The following JAZF1 variants were observed in gnomAD, a reference collection of about 807,000 sequenced individuals.
JAZF1 encodes juxtaposed with another zinc finger protein 1.
Under a neutral mutation model 26.4 loss-of-function variants are expected in JAZF1, and 8 were observed. That is an observed-to-expected ratio of 0.30 (90% CI 0.18 to 0.55). JAZF1 has a LOEUF of 0.55. JAZF1 is among the 20% of genes least tolerant of loss of function. The pLI, the probability that JAZF1 is intolerant of heterozygous loss-of-function variation, is 0.94. For missense variants in JAZF1, 199 were observed against 322.0 expected (o/e 0.62, Z 2.92); for synonymous variants, 126 against 122.3 (o/e 1.03, Z -0.20).
rs189549803 is a variant in JAZF1, at chr7:27,844,735, C to A, written c.386-3868G>T. 3.0e-3 allele frequency among the ~76,000 whole-genome samples: 460 copies of A among 152,268 alleles called. 2 individuals are homozygous for A. The highest frequency in any genetic ancestry group is 0.01 in the African/African-American group (435 of 41,558). ...TATAAGTAGGTACAAAGAATTAATA[C>A]CCCCTTCTCGCACCTCACTTTGAGC... is the stretch of plus-strand genomic sequence containing the variant. On this transcript the variant is annotated intron_variant, in intron 3 of 4. Coordinates refer to ENST00000283928, the MANE Select transcript of JAZF1 (RefSeq NM_175061.4).
At chr7:27,942,552 C>G (rs1479906490) in intron 2 of JAZF1, among the ~76,000 whole-genome samples, 1 of 152,194 alleles carries the variant, frequency 6.6e-6, no homozygotes, top group East Asian at 1.9e-4. Flanking sequence ...CTACTCTTAG[C>G]ATATTCCCTC....
chr7:27,966,305 C>A (rs1023520), intron 2 of JAZF1, among the ~76,000 whole-genome samples: 3 of 152,208 alleles, frequency 2.0e-5, no homozygotes, highest in Non-Finnish European at 4.4e-5. Context: ...TAATCCCTAC[C>A]CACTCTTTCT....
chr7:28,016,291 C>G (rs1024145692), intron 1 of JAZF1, among the ~76,000 whole-genome samples: 20 of 152,284 alleles, frequency 1.3e-4, no homozygotes, highest in African/African-American at 4.8e-4. Flanking sequence ...CTTTTCCAAC[C>G]TCTGAAGGAG....
At chr7:27,901,160 G>C (rs1784155696) in intron 2 of JAZF1, among the ~76,000 whole-genome samples, 1 of 152,160 alleles carries the variant, frequency 6.6e-6, no homozygotes, top group Non-Finnish European at 1.5e-5. Context: ...AGGCAAAGCA[G>C]TGTTTTCATT....
At chr7:28,092,318 A>C (rs1189437459) in intron 1 of JAZF1, among the ~76,000 whole-genome samples, 54 of 139,534 alleles carry the variant, frequency 3.9e-4, no homozygotes, top group African/African-American at 1.2e-3. Flanking sequence ...AAAAAAAAAA[A>C]AAAAAAAACA....
At chr7:27,940,370 C>A (rs563479870) in intron 2 of JAZF1, among the ~76,000 whole-genome samples, 9 of 152,298 alleles carry the variant, frequency 5.9e-5, no homozygotes, top group African/African-American at 2.2e-4. Flanking sequence ...CTCCTTCATG[C>A]ACCCTGTGAC....
intron 2 of JAZF1, among the ~76,000 whole-genome samples, chr7:27,919,301 T>A (rs1011602983): frequency 2.0e-5 from 3 of 152,170 alleles, no homozygotes; most frequent in Non-Finnish European, 4.4e-5. Context: ...TTTTGAGCTC[T>A]TAGGAGAGAA....
chr7:27,920,917 G>A (rs1374220088), intron 2 of JAZF1, among the ~76,000 whole-genome samples: 3 of 152,144 alleles, frequency 2.0e-5, no homozygotes, highest in African/African-American at 4.8e-5. Context: ...TCACCTGCCC[G>A]TTTTAAATTT....
chr7:27,952,451 C>T (rs1228789837), intron 2 of JAZF1, among the ~76,000 whole-genome samples: 1 of 152,250 alleles, frequency 6.6e-6, no homozygotes, highest in African/African-American at 2.4e-5. Flanking sequence ...GGGCTTTGCC[C>T]ATGCAGACAC....
At chr7:27,955,652 A>G (rs1188050603) in intron 2 of JAZF1, among the ~76,000 whole-genome samples, 1 of 152,200 alleles carries the variant, frequency 6.6e-6, no homozygotes, top group Non-Finnish European at 1.5e-5. Context: ...CAGTCCCCAA[A>G]CCTGCTCAGC....
chr7:27,926,504 C>A (rs953864779), intron 2 of JAZF1, among the ~76,000 whole-genome samples: 11 of 152,230 alleles, frequency 7.2e-5, no homozygotes, highest in African/African-American at 2.7e-4. Flanking sequence ...ATCAGACTTT[C>A]TTCTAAGAAC....
chr7:27,878,247 A>C (rs1783715023), intron 3 of JAZF1, among the ~76,000 whole-genome samples: 1 of 152,118 alleles, frequency 6.6e-6, no homozygotes, highest in Non-Finnish European at 1.5e-5. Context: ...TGTTTTATGC[A>C]ATTTAGCTAC....
intron 1 of JAZF1, among the ~76,000 whole-genome samples, chr7:28,165,845 G>C (rs563399940): frequency 7.2e-5 from 11 of 152,112 alleles, no homozygotes; most frequent in Non-Finnish European, 1.6e-4. Context: ...CTCATGTATT[G>C]TGTTTTGTCT....
intron 1 of JAZF1, chr7:28,118,071 GAA>G (rs1784776014): frequency 6.6e-6 from 1 of 152,196 alleles, no homozygotes; most frequent in South Asian, 2.1e-4. Flanking sequence ...ACCGCAGCTG[GAA>G]AAGTGGTAAA....
At chr7:27,896,305 T>C (rs1181122486) in intron 2 of JAZF1, among the ~76,000 whole-genome samples, 1 of 152,198 alleles carries the variant, frequency 6.6e-6, no homozygotes, top group Non-Finnish European at 1.5e-5. Flanking sequence ...TTCAAAACAA[T>C]CTATGAAATG....
At chr7:28,146,556 A>G (rs1783030988) in intron 1 of JAZF1, among the ~76,000 whole-genome samples, 1 of 152,224 alleles carries the variant, frequency 6.6e-6, no homozygotes, top group Admixed American at 6.5e-5. Flanking sequence ...AATATAATCA[A>G]GTGTTTACTT....
chr7:27,896,658 A>G (rs1784070598), intron 2 of JAZF1, among the ~76,000 whole-genome samples: 1 of 152,238 alleles, frequency 6.6e-6, no homozygotes, highest in African/African-American at 2.4e-5. Flanking sequence ...GAAGTTTTGG[A>G]AGTCAACAGA....
intron 2 of JAZF1, among the ~76,000 whole-genome samples, chr7:27,947,551 C>G (rs1688684974): frequency 6.6e-6 from 1 of 152,202 alleles, no homozygotes; most frequent in Non-Finnish European, 1.5e-5. Flanking sequence ...TACTTCTTGA[C>G]AGTTCACATA....
intron 2 of JAZF1, among the ~76,000 whole-genome samples, chr7:27,980,785 C>A (rs1049331517): frequency 6.7e-6 from 1 of 149,072 alleles, no homozygotes; most frequent in African/African-American, 2.6e-5. Flanking sequence ...TGTTGTCAAG[C>A]CGATTTTCTT....
Sources: allele counts gnomAD v4.1 joint callset (sites outside exome capture counted in the v4.1 genomes callset), GRCh38; gene constraint gnomAD v4.1.1; transcripts MANE v1.5; gene names NCBI Gene and HGNC (gene_info 2026-07-23, HGNC 2026-07-21).